Variants in RAB3IP observed in about 807,000 individuals in gnomAD.
RAB3IP encodes RAB3A interacting protein, also known as rab-3A-interacting protein.
Under a neutral mutation model 59.1 loss-of-function variants are expected in RAB3IP, and 36 were observed. The ratio of observed to expected loss-of-function variants is 0.61; its 90% confidence interval spans 0.47 to 0.80. The LOEUF is 0.80. Among genes scored for constraint, RAB3IP ranks in the 30% least tolerant of loss-of-function variants. The pLI is 0.00. For missense variants in RAB3IP, 511 were observed against 536.0 expected (o/e 0.95, Z 0.46); for synonymous variants, 207 against 191.2 (o/e 1.08, Z -0.68).
chr12:69,798,814 A>C (rs1007923569), intron 6 of RAB3IP, among the ~76,000 whole-genome samples: 21 of 152,210 alleles, frequency 1.4e-4, no homozygotes, highest in African/African-American at 5.1e-4. Context: ...AAAGAGTAAC[A>C]GACTTAGGTC....
rs2136302497 is a variant in RAB3IP at position 69,820,580 on chromosome 12, C to T, written c.*5134C>T. On this transcript the variant is annotated 3_prime_UTR_variant, in exon 11 of 11. Transcript: ENST00000247833. ...AAAAAAAAAAAAAAAAAAAACTGGC[C>T]AGGTGCGATGGCTCATGCCTGTAAT... The T allele has an allele frequency of 6.8e-6, 1 of 146,392 alleles. No homozygotes were observed. The highest frequency in any genetic ancestry group is 2.2e-4 in the South Asian group (1 of 4,582). The allele number at this position is 146,392 out of a possible 1,614,324, so 9.1% of individuals were successfully genotyped here.
intron 3 of RAB3IP, among the ~76,000 whole-genome samples, chr12:69,780,519 A>T (rs1406427919): frequency 6.6e-6 from 1 of 152,228 alleles, no homozygotes; most frequent in South Asian, 2.1e-4. Context: ...CCCTGACTGT[A>T]GTGAGAGAGG....
At chr12:69,762,751 C>T (rs1382478157) in intron 3 of RAB3IP, among the ~76,000 whole-genome samples, 14 of 65,678 alleles carry the variant, frequency 2.1e-4, no homozygotes, top group South Asian at 1.3e-3. Context: ...AGGGAGACTC[C>T]GTCTCAAAAA....
intron 4 of RAB3IP, among the ~76,000 whole-genome samples, chr12:69,790,932 C>G (rs1876502741): frequency 6.6e-6 from 1 of 152,224 alleles, no homozygotes; most frequent in East Asian, 1.9e-4. Flanking sequence ...ATCACACTTC[C>G]TGATTTCAAA....
At chr12:69,742,893 T>C (rs766387023) in intron 1 of RAB3IP, among the ~76,000 whole-genome samples, 1 of 152,210 alleles carries the variant, frequency 6.6e-6, no homozygotes, top group Non-Finnish European at 1.5e-5. Context: ...TCTTAGAATA[T>C]AGGGCAACAC....
rs1870249835 is a variant in RAB3IP at position 69,756,527 on chromosome 12, C to T, written c.374C>T (p.Thr125Ile). The T allele has an allele frequency of 6.2e-7, 1 of 1,614,120 alleles. No homozygotes were observed. Among genetic ancestry groups the T allele is most frequent in the Non-Finnish European group, 8.5e-7 (1 of 1,179,998 alleles). Residue 125 changes from threonine to isoleucine, a missense_variant, in exon 3 of 11, where the codon ACA (threonine) becomes ATA (isoleucine). By Grantham distance (89) the Thr-to-Ile change is moderately conservative. Coordinates refer to ENST00000247833, the MANE Select transcript of RAB3IP (RefSeq NM_022456.5). ...GAGTTTTTACAGGGTGCTACTATAACAGAGGCTTGCGATGGCAGTGATGAT... is the reference window on the plus strand; with the variant it reads ...GAGTTTTTACAGGGTGCTACTATAATAGAGGCTTGCGATGGCAGTGATGAT... The part of the protein sequence containing the change: ...EREFLQGATI[T>I]EACDGSDDIF...
At chr12:69,806,054 A>C (rs1879214111) in intron 8 of RAB3IP, among the ~76,000 whole-genome samples, 1 of 152,190 alleles carries the variant, frequency 6.6e-6, no homozygotes, top group Non-Finnish European at 1.5e-5. Context: ...ATTTATTGGA[A>C]TAGTTTCAGA....
Position 69,793,744 on chromosome 12 carries a change from C to T in RAB3IP, c.607-693C>T, listed in dbSNP as rs11834505. 4.3e-3 allele frequency among the ~76,000 whole-genome samples: 650 copies of T among 152,310 alleles called. 7 individuals carry two copies. The highest frequency in any genetic ancestry group is 0.015 in the African/African-American group (612 of 41,576). ...AAACAGAATGTAAGCTCCTTAAGAG[C>T]AGGGACTTTGTCCTTTCCCAGTACG... is the stretch of plus-strand genomic sequence containing the variant. On this transcript the variant is annotated intron_variant, in intron 4 of 10. Coordinates refer to ENST00000247833, the MANE Select transcript of RAB3IP (RefSeq NM_022456.5).
At chr12:69,740,158 A>G (rs1201189721) in intron 1 of RAB3IP, among the ~76,000 whole-genome samples, 4 of 152,096 alleles carry the variant, frequency 2.6e-5, no homozygotes, top group Admixed American at 6.6e-5. Flanking sequence ...TTTGTTGTTC[A>G]TGAAGGTTTT....
intron 3 of RAB3IP, among the ~76,000 whole-genome samples, chr12:69,767,988 T>C (rs1872503911): frequency 6.6e-6 from 1 of 152,176 alleles, no homozygotes; most frequent in Non-Finnish European, 1.5e-5. Context: ...TGCCTGGAGA[T>C]CTGCTTGGGC....
In RAB3IP at chr12:69,756,636, A is replaced by G. The variant is rs778484206; in HGVS notation, c.483A>G (p.Leu161=). ...TTAGAGAAAAGGGCTATGAACGATTAAAAGAAGAACTCGCAAAAGCTCAGA... is the reference window on the plus strand; with the variant it reads ...TTAGAGAAAAGGGCTATGAACGATTGAAAGAAGAACTCGCAAAAGCTCAGA... ...LEVREKGYER[L]KEELAKAQRE... Residue 161 remains leucine (L), a synonymous_variant, in exon 3 of 11, where the codon TTA becomes TTG. Transcript: ENST00000247833. The G allele has an allele frequency of 7.4e-6, 12 of 1,613,636 alleles. No homozygotes were observed. The East Asian group carries it at 1.6e-4, about 21-fold the overall frequency.
chr12:69,750,674 T>C (rs1024427508), intron 1 of RAB3IP, among the ~76,000 whole-genome samples: 1 of 151,802 alleles, frequency 6.6e-6, no homozygotes, highest in African/African-American at 2.4e-5. Context: ...TTCTCCTCTG[T>C]ATTTACTATA....
At chr12:69,745,844 T>C (rs1046130458) in intron 1 of RAB3IP, among the ~76,000 whole-genome samples, 2 of 152,192 alleles carry the variant, frequency 1.3e-5, no homozygotes, top group Non-Finnish European at 2.9e-5. Context: ...AGCTTCTAAG[T>C]GTATCTCAGA....
intron 3 of RAB3IP, among the ~76,000 whole-genome samples, chr12:69,766,687 A>AT (rs898735253): frequency 8.9e-4 from 131 of 146,444 alleles, no homozygotes; most frequent in Middle Eastern, 6.8e-3. Context: ...ATGCCCAGCT[A>AT]TTTTTTTTTT....
In RAB3IP at chr12:69,801,596, C is replaced by T. The variant is rs1565920595; in HGVS notation, c.1018-13C>T. The T allele has an allele frequency of 2.7e-6, 4 of 1,502,122 alleles. No individual in the cohort carries two copies. Among genetic ancestry groups the T allele is most frequent in the Non-Finnish European group, 1.8e-6 (2 of 1,096,150 alleles). The allele number at this position is 1,502,122 out of a possible 1,614,324, so 93.0% of individuals were successfully genotyped here. A position where few individuals can be genotyped will look rare whatever the true frequency, so the allele number is the denominator to read the frequency against. ...GCCAGTATAGCATCTAGTACTTTTT[C>T]TTTTTTTTTAAGTTGGCTTCAGCTG... On this transcript the variant is annotated splice_polypyrimidine_tract_variant and intron_variant, in intron 7 of 10. Transcript: ENST00000247833.
chr12:69,784,418 TTTTG>T (rs1180643193), intron 3 of RAB3IP, among the ~76,000 whole-genome samples: 1 of 150,478 alleles, frequency 6.6e-6, no homozygotes, highest in Non-Finnish European at 1.5e-5. Context: ...AAAGAAGTCA[TTTTG>T]TTTATTTTCA....
chr12:69,788,318 A>G (rs1263440758), intron 4 of RAB3IP, among the ~76,000 whole-genome samples: 2 of 152,276 alleles, frequency 1.3e-5, no homozygotes, highest in South Asian at 4.1e-4. Flanking sequence ...CACCTTGGCT[A>G]TATGATATTG....
At position 69,781,366 on chromosome 12, in the gene RAB3IP, C is replaced by G. The variant is rs75149703; in HGVS notation, c.511-3354C>G. ...TACATTTCTTAAAATTAATACACCT[C>G]CATTGACACATTGTCTCCCAAAGTT... On this transcript the variant is annotated intron_variant, in intron 3 of 10. Transcript: ENST00000247833. 2.0e-5 allele frequency among the ~76,000 whole-genome samples: 3 copies of G among 152,192 alleles called. No individual in the cohort carries two copies. The East Asian group carries it at 5.8e-4, about 29-fold the overall frequency.
At chr12:69,784,931 C>T (rs889773243) in intron 4 of RAB3IP, 116 bp downstream of exon 4, 4 of 511,802 alleles carry the variant, frequency 7.8e-6, no homozygotes, top group South Asian at 6.2e-5. Flanking sequence ...ATTTATAAGT[C>T]CTCTAAGCAA....
Sources: gnomAD v4.1 joint callset for allele counts (sites outside exome capture counted in the v4.1 genomes callset) on GRCh38, gnomAD v4.1.1 for gene constraint, MANE v1.5 for transcripts, NCBI Gene and HGNC (gene_info 2026-07-23, HGNC 2026-07-21) for gene names.